The following GRIK2 variants were observed in gnomAD, a reference collection of about 807,000 sequenced individuals.
GRIK2 encodes the protein glutamate receptor ionotropic, kainate 2.
Under a neutral mutation model 100.3 loss-of-function variants are expected in GRIK2, and 32 were observed. The ratio of observed to expected loss-of-function variants is 0.32; its 90% CI spans 0.24 to 0.43. The LOEUF is 0.43. GRIK2 is among the 20% of genes least tolerant of loss of function. The probability of loss-of-function intolerance (pLI) is 1.00; values close to 1 mark genes in which losing one functional copy is unlikely to be tolerated. For missense variants in GRIK2, 843 were observed against 1,114.9 expected (o/e 0.76, Z 3.47); for synonymous variants, 417 against 389.4 (o/e 1.07, Z -0.83).
intron 2 of GRIK2, among the ~76,000 whole-genome samples, chr6:101,446,805 G>A (rs977445510): frequency 3.8e-4 from 5 of 13,090 alleles, no homozygotes; most frequent in Admixed American, 1.0e-3. Flanking sequence ...TGGCTTTGTC[G>A]TATTTTTTTT....
rs900105537 is a variant in GRIK2, at chr6:101,629,426, C to T, written c.541+2789C>T. ...ACATGCCAGGGAGAGTTAAATGCCA[C>T]GAAAGGAATTATATGCCACTAAAGG... On this transcript the variant is annotated intron_variant, in intron 4 of 16. Coordinates refer to ENST00000369134, the MANE Select transcript of GRIK2 (RefSeq NM_021956.5). Among the ~76,000 whole-genome samples the T allele has an allele frequency of 5.9e-5, 9 of 152,102 alleles. No homozygotes were observed. In the South Asian group the frequency reaches 6.2e-4, roughly 11 times the overall value.
intron 7 of GRIK2, among the ~76,000 whole-genome samples, chr6:101,793,819 C>A (rs186396452): frequency 6.6e-6 from 1 of 152,136 alleles, no homozygotes. Context: ...AGAGGTGGAG[C>A]CTACAGAGGC....
chr6:101,858,396 T>C (rs1411363135), intron 10 of GRIK2, among the ~76,000 whole-genome samples: 1 of 145,830 alleles, frequency 6.9e-6, no homozygotes, highest in African/African-American at 2.5e-5. Flanking sequence ...CTTTTTTTTT[T>C]TTTTTTTTTG....
At chr6:101,577,046 T>C (rs866978410) in intron 2 of GRIK2, among the ~76,000 whole-genome samples, 1 of 152,084 alleles carries the variant, frequency 6.6e-6, no homozygotes, top group Non-Finnish European at 1.5e-5. Flanking sequence ...ATAGTGGTGC[T>C]TAGGGAATAA....
At chr6:101,886,800 A>C in intron 11 of GRIK2, among the ~76,000 whole-genome samples, 1 of 146,624 alleles carries the variant, frequency 6.8e-6, no homozygotes, top group African/African-American at 2.5e-5. Flanking sequence ...TCCCCTAGTA[A>C]CCACCATTCT....
intron 12 of GRIK2, among the ~76,000 whole-genome samples, chr6:101,902,037 A>AATATT (rs1358055395): frequency 7.2e-5 from 11 of 151,764 alleles, no homozygotes; most frequent in African/African-American, 2.7e-4. Context: ...TTAAAAATTT[A>AATATT]AATGATATTT....
intron 14 of GRIK2, among the ~76,000 whole-genome samples, chr6:101,983,219 C>T (rs1793821416): frequency 6.6e-6 from 1 of 151,598 alleles, no homozygotes; most frequent in Non-Finnish European, 1.5e-5. Flanking sequence ...GTTTTCTATC[C>T]CTACTCCCAA....
intron 15 of GRIK2, among the ~76,000 whole-genome samples, chr6:102,048,261 A>G (rs924843438): frequency 1.3e-4 from 20 of 152,036 alleles, no homozygotes; most frequent in Admixed American, 8.5e-4. Context: ...AAGTACTAGA[A>G]GAAAACATAG....
chr6:101,922,648 T>C (rs1789633207), intron 12 of GRIK2, among the ~76,000 whole-genome samples: 1 of 152,130 alleles, frequency 6.6e-6, no homozygotes. Context: ...TAGAATACGC[T>C]TATGGGTTAG....
chr6:102,020,010 T>G (rs557110300), intron 14 of GRIK2, among the ~76,000 whole-genome samples: 2 of 152,106 alleles, frequency 1.3e-5, no homozygotes, highest in African/African-American at 4.8e-5. Context: ...TGTTTTCTGC[T>G]ATATAAATAA....
At chr6:101,568,142 A>G (rs1157236736) in intron 2 of GRIK2, among the ~76,000 whole-genome samples, 1 of 151,974 alleles carries the variant, frequency 6.6e-6, no homozygotes, top group Non-Finnish European at 1.5e-5. Context: ...CAAATTAATA[A>G]TACTAAACAT....
At chr6:101,830,501 A>G (rs559333850) in intron 10 of GRIK2, among the ~76,000 whole-genome samples, 159 of 152,096 alleles carry the variant, frequency 1.0e-3, no homozygotes, top group African/African-American at 3.7e-3. Context: ...CCAGAATCTA[A>G]AAGGAACTTA....
intron 2 of GRIK2, among the ~76,000 whole-genome samples, chr6:101,434,188 G>A (rs6938300): frequency 0.044 from 6,766 of 152,280 alleles, 316 homozygotes; most frequent in African/African-American, 0.1. Context: ...CAGCAGCAGA[G>A]TTCTAGAGGC....
chr6:101,908,418 C>G (rs761878667), intron 12 of GRIK2, among the ~76,000 whole-genome samples: 1 of 39,662 alleles, frequency 2.5e-5, no homozygotes, highest in African/African-American at 1.0e-4. Context: ...ATGTTTATAT[C>G]TAAGCTAACT....
intron 14 of GRIK2, among the ~76,000 whole-genome samples, chr6:101,946,718 T>C (rs1791301848): frequency 6.6e-6 from 1 of 152,154 alleles, no homozygotes; most frequent in Non-Finnish European, 1.5e-5. Context: ...GGATTCAGTC[T>C]GAACTCAATT....
At chr6:101,509,588 ATGG>A (rs1774199679) in intron 2 of GRIK2, among the ~76,000 whole-genome samples, 1 of 152,166 alleles carries the variant, frequency 6.6e-6, no homozygotes, top group East Asian at 1.9e-4. Context: ...CTAGTCTGGG[ATGG>A]AATTTCTGCC....
At chr6:101,613,551 TA>T (rs1310210965) in intron 2 of GRIK2, among the ~76,000 whole-genome samples, 1 of 151,750 alleles carries the variant, frequency 6.6e-6, no homozygotes, top group South Asian at 2.1e-4. Flanking sequence ...GGGATACTTG[TA>T]AAAAAATTTT....
At chr6:101,780,676 T>C (rs1779029669) in intron 7 of GRIK2, among the ~76,000 whole-genome samples, 1 of 152,172 alleles carries the variant, frequency 6.6e-6, no homozygotes, top group Non-Finnish European at 1.5e-5. Flanking sequence ...ACCCCTCTCT[T>C]CTTTTCTCCT....
At chr6:101,478,673 C>G (rs1772378861) in intron 2 of GRIK2, among the ~76,000 whole-genome samples, 1 of 151,366 alleles carries the variant, frequency 6.6e-6, no homozygotes, top group Non-Finnish European at 1.5e-5. Context: ...GCCACCACAC[C>G]TGGCTAATAT....
Sources: gnomAD v4.1 joint callset for allele counts (sites outside exome capture counted in the v4.1 genomes callset) on GRCh38, gnomAD v4.1.1 for gene constraint, MANE v1.5 for transcripts, NCBI Gene and HGNC (gene_info 2026-07-23, HGNC 2026-07-21) for gene names.